ZNF831: variants seen among roughly 807,000 people sequenced by gnomAD.
ZNF831 encodes the protein chromosome 20 open reading frame 174.
ZNF831 carries 59 observed loss-of-function variants against 95.8 expected under a neutral mutation model. That is an observed-to-expected ratio of 0.62 (90% CI 0.50 to 0.77). The LOEUF is 0.77. Among genes scored for constraint, ZNF831 ranks in the 30% least tolerant of loss-of-function variants. The probability of loss-of-function intolerance (pLI) is 0.00; values close to 1 mark genes in which losing one functional copy is unlikely to be tolerated. For synonymous variants in ZNF831, 961 were observed against 925.5 expected (o/e 1.04, Z -0.70); for missense variants, 2,205 against 2,164.0 (o/e 1.02, Z -0.38).
chr20:59,163,428 C>T (rs947615740), upstream of ZNF831, among the ~76,000 whole-genome samples: 21 of 152,316 alleles, frequency 1.4e-4, no homozygotes, highest in Middle Eastern at 3.4e-3. Flanking sequence ...AAGACAGCAT[C>T]GCAGAAATCT....
intron 4 of ZNF831, among the ~76,000 whole-genome samples, chr20:59,212,198 AT>A (rs1351077468): frequency 1.3e-5 from 2 of 152,192 alleles, no homozygotes; most frequent in African/African-American, 4.8e-5. Context: ...TTTTAAAAAA[AT>A]ATTTTTAAAA....
intron 4 of ZNF831, among the ~76,000 whole-genome samples, chr20:59,227,077 G>T (rs1437828080): frequency 6.6e-6 from 1 of 152,090 alleles, no homozygotes. Flanking sequence ...GCTTATAATT[G>T]TATCCCAAAT....
In ZNF831 at chr20:59,256,415, A is replaced by G. The variant is rs1410976361; in HGVS notation, c.*1672A>G. On this transcript the variant is annotated 3_prime_UTR_variant, in exon 6 of 6. Transcript: ENST00000371030. ...ACTTAGTGTACTTTTTAAACCCAAC[A>G]AAAGCGATGTGGTGATTATCTCCCT... 1 of 152,248 alleles carries G rather than the reference A, an allele frequency of 6.6e-6. No individual in the cohort carries two copies. 9.4% of individuals were successfully genotyped at this position (152,248 alleles called of 1,614,324 possible). A position where few individuals can be genotyped will look rare whatever the true frequency, so the allele number is the denominator to read the frequency against.
intron 3 of ZNF831, among the ~76,000 whole-genome samples, chr20:59,204,359 A>G (rs1377730102): frequency 6.6e-6 from 1 of 152,206 alleles, no homozygotes; most frequent in Admixed American, 6.5e-5. Flanking sequence ...ACAAAGACCT[A>G]CAGATGTGGC....
chr20:59,249,092 C>T (rs190920857), intron 4 of ZNF831, among the ~76,000 whole-genome samples: 2 of 152,342 alleles, frequency 1.3e-5, no homozygotes, highest in East Asian at 3.9e-4. Flanking sequence ...GCTGCTTTCC[C>T]CTTTAAGGTC....
chr20:59,218,327 T>C lies in ZNF831; in HGVS notation c.4027+11271T>C, dbSNP rs11906102. ...TATTCCCAAACAGATTCCCTGGTTA[T>C]CTTATTTTGAAATGTTGCTACTGGA... On this transcript the variant is annotated intron_variant, in intron 4 of 5. Coordinates refer to ENST00000371030, the MANE Select transcript of ZNF831 (RefSeq NM_178457.3). 6.8e-4 allele frequency among the ~76,000 whole-genome samples: 103 copies of C among 152,348 alleles called. 1 individual carries two copies. The highest frequency in any genetic ancestry group is 2.3e-3 in the African/African-American group (97 of 41,588).
chr20:59,191,052 TC>T lies in ZNF831; in HGVS notation c.35del (p.Pro12LeufsTer24). The T allele has an allele frequency of 6.7e-7, 1 of 1,496,434 alleles. No individual in the cohort carries two copies. Among genetic ancestry groups the T allele is most frequent in the Admixed American group, 2.4e-5 (1 of 41,994 alleles). The allele number at this position is 1,496,434 out of a possible 1,614,324, so 92.7% of individuals were successfully genotyped here. A position where few individuals can be genotyped will look rare whatever the true frequency, so the allele number is the denominator to read the frequency against. On this transcript the variant is annotated frameshift_variant, in exon 2 of 6. Transcript: ENST00000371030. LOFTEE classifies it high-confidence loss of function. ...TTCCAGAACCCACCTGCCCTGCCCC[TC>T]CTGCGAGGGACCAGCCAGCTCCCAC... Reference protein sequence around the residue: ...EVPEPTCPAPPARDQPAPTPG... With the variant: ...EVPEPTCPAPXARDQPAPTPG...
chr20:59,175,883 C>T (rs1416418699), intron 1 of ZNF831, among the ~76,000 whole-genome samples: 1 of 152,222 alleles, frequency 6.6e-6, no homozygotes, highest in Non-Finnish European at 1.5e-5. Context: ...TCTGTGTTAG[C>T]TGGCTTCCTT....
chr20:59,186,001 G>A (rs1456939638), intron 1 of ZNF831, among the ~76,000 whole-genome samples: 2 of 152,194 alleles, frequency 1.3e-5, no homozygotes, highest in Admixed American at 6.5e-5. Context: ...GCTCCCTGTG[G>A]CCACAGAGCC....
At chr20:59,171,736 A>G (rs1981752140) in intron 1 of ZNF831, among the ~76,000 whole-genome samples, 1 of 152,236 alleles carries the variant, frequency 6.6e-6, no homozygotes, top group Admixed American at 6.5e-5. Context: ...CATTCATATA[A>G]CACACATAGA....
chr20:59,218,530 G>C (rs1009236712), intron 4 of ZNF831, among the ~76,000 whole-genome samples: 3 of 151,966 alleles, frequency 2.0e-5, no homozygotes, highest in Middle Eastern at 3.5e-3. Flanking sequence ...GGGTGTGTTC[G>C]TCTCTCTCCA....
At chr20:59,245,243 A>G (rs1483823866) in intron 4 of ZNF831, among the ~76,000 whole-genome samples, 1 of 152,160 alleles carries the variant, frequency 6.6e-6, no homozygotes, top group Non-Finnish European at 1.5e-5. Flanking sequence ...TTTGAAAACT[A>G]ATTAGTTATG....
At chr20:59,154,055 A>G (rs1980396451) in intron 2 of ZNF831, among the ~76,000 whole-genome samples, 1 of 152,180 alleles carries the variant, frequency 6.6e-6, no homozygotes, top group African/African-American at 2.4e-5. Context: ...CTAGTCATAA[A>G]AAAAGTGCAG....
Position 59,252,395 on chromosome 20 carries a change from C to T in ZNF831, c.4028-583C>T, listed in dbSNP as rs146339068. ...TGACTGGTATGCCAGGTCATCAGTGCGGGTGAAGGATGAAGGAAAGACAGG... is the reference window on the plus strand; with the variant it reads ...TGACTGGTATGCCAGGTCATCAGTGTGGGTGAAGGATGAAGGAAAGACAGG... On this transcript the variant is annotated intron_variant, in intron 4 of 5. Transcript: ENST00000371030. Among the ~76,000 whole-genome samples, 113 of 152,234 alleles carry T rather than the reference C, an allele frequency of 7.4e-4. No homozygotes were observed. In the East Asian group the frequency reaches 0.01, roughly 14 times the overall value.
intron 4 of ZNF831, among the ~76,000 whole-genome samples, chr20:59,234,648 G>A (rs1462757038): frequency 6.6e-6 from 1 of 152,178 alleles, no homozygotes; most frequent in Non-Finnish European, 1.5e-5. Flanking sequence ...TAGGTTTTGA[G>A]ACACTCAACG....
chr20:59,143,650 G>A (rs1452198995), intron 1 of ZNF831, among the ~76,000 whole-genome samples: 1 of 152,184 alleles, frequency 6.6e-6, no homozygotes, highest in Non-Finnish European at 1.5e-5. Flanking sequence ...GTCCTTCTGG[G>A]GAGGAGGATG....
chr20:59,146,036 G>A (rs1032222481), intron 1 of ZNF831, among the ~76,000 whole-genome samples: 3 of 151,968 alleles, frequency 2.0e-5, no homozygotes, highest in Admixed American at 1.3e-4. Context: ...AGCTGCCGCC[G>A]CCCACACACA....
rs377742243 is a variant in ZNF831 at position 59,187,358 on chromosome 20, G to C, written c.-36-3626G>C. On this transcript the variant is annotated intron_variant, in intron 1 of 5. Transcript: ENST00000371030. ...TGCCTTATAAAGGGGACCCCAGAGA[G>C]CTCCACTGGTCTTTCCGTGATGTGA... is the stretch of plus-strand genomic sequence containing the variant. Among the ~76,000 whole-genome samples the C allele has an allele frequency of 3.3e-5, 5 of 152,260 alleles. No homozygotes were observed. In the East Asian group the frequency reaches 9.6e-4, roughly 29 times the overall value.
intron 2 of ZNF831, among the ~76,000 whole-genome samples, chr20:59,150,639 T>C (rs1980176102): frequency 6.6e-6 from 1 of 152,186 alleles, no homozygotes; most frequent in Non-Finnish European, 1.5e-5. Flanking sequence ...CCATCCAGAT[T>C]AATTCCTGAC....
Sources: allele counts gnomAD v4.1 joint callset (sites outside exome capture counted in the v4.1 genomes callset), GRCh38; gene constraint gnomAD v4.1.1; transcripts MANE v1.5; gene names NCBI Gene and HGNC (gene_info 2026-07-23, HGNC 2026-07-21).